The following SDR42E2 variants were observed in gnomAD, a reference collection of about 807,000 sequenced individuals.
SDR42E2 encodes putative short-chain dehydrogenase/reductase family 42E member 2.
SDR42E2 carries 20 observed loss-of-function variants against 10.5 expected under a neutral mutation model. The ratio of observed to expected loss-of-function variants is 1.90; its 90% CI spans 1.34 to 2.77. The LOEUF (loss-of-function observed/expected upper bound fraction) is 2.77. Ranked by LOEUF, SDR42E2 falls within the 30% of genes most tolerant of loss-of-function variation. The pLI is 0.00. For synonymous variants in SDR42E2, 72 were observed against 39.2 expected, an observed-to-expected ratio of 1.84 and a Z score of -3.12; for missense variants, 162 against 104.2, an observed-to-expected ratio of 1.55 and a Z score of -2.42.
chr16:22,175,181 C>T (rs763072658), intron 7 of SDR42E2, among the ~76,000 whole-genome samples: 8 of 151,982 alleles, frequency 5.3e-5, no homozygotes, highest in East Asian at 3.8e-4. Context: ...AGAAATGGGC[C>T]GGGCATGGTG....
intron 12 of SDR42E2, among the ~76,000 whole-genome samples, chr16:22,187,184 C>G (rs2046742204): frequency 6.6e-6 from 1 of 152,120 alleles, no homozygotes; most frequent in South Asian, 2.1e-4. Context: ...CACACAACAG[C>G]CTGGTGGTCC....
chr16:22,190,203 C>T lies in SDR42E2; in HGVS notation c.1079C>T (p.Ala360Val). 2.5e-6 allele frequency: 1 copy of T among 401,102 alleles called. No individual in the cohort carries two copies. The highest frequency in any genetic ancestry group is 4.4e-6 in the Non-Finnish European group (1 of 226,140). The allele number at this position is 401,102 out of a possible 1,614,324, so 24.8% of individuals were successfully genotyped here. Residue 360 changes from alanine (A) to valine (V), a missense_variant, in exon 13 of 13, where the codon GCG (alanine) becomes GTG (valine). By Grantham distance (64) the Ala-to-Val change is moderately conservative (BLOSUM62 0). Coordinates refer to ENST00000602312, the MANE Select transcript of SDR42E2 (RefSeq NM_001394319.2). ...AAGGCCCGCGCCCAGCTCGGCTACG[C>T]GCCGGATAAGTTTAGGTTCGCCGAC... ...IAKARAQLGY[A>V]PDKFRFADAV...
At chr16:22,185,204 C>A (rs769252201) in intron 11 of SDR42E2, among the ~76,000 whole-genome samples, 7 of 152,174 alleles carry the variant, frequency 4.6e-5, no homozygotes, top group Non-Finnish European at 8.8e-5. Context: ...AGCCTTCAGA[C>A]ATGGAGTGAC....
chr16:22,162,668 G>A (rs2046507584), intron 1 of SDR42E2, among the ~76,000 whole-genome samples, 104 bp downstream of exon 1: 1 of 152,150 alleles, frequency 6.6e-6, no homozygotes, highest in East Asian at 1.9e-4. Flanking sequence ...GGAGCTGCCC[G>A]CGAGCCCAGC....
At chr16:22,186,828 G>GCTCCCCATCCCTCCCTTCCTACCT in intron 12 of SDR42E2, 34 bp downstream of exon 12, 1 of 311,154 alleles carries the variant, frequency 3.2e-6, no homozygotes, top group Non-Finnish European at 5.4e-6. Flanking sequence ...CCTAGGCCCT[G>GCTCCCCATCCCTCCCTTCCTACCT]CTCCCCATCC....
chr16:22,173,909 ATATATATATATAT>A (rs1567240423), intron 7 of SDR42E2, among the ~76,000 whole-genome samples: 1 of 144,588 alleles, frequency 6.9e-6, no homozygotes, highest in African/African-American at 2.5e-5. Context: ...GTGTGTGTAT[ATATATATATATAT>A]ATATATAGCT....
intron 3 of SDR42E2, 34 bp from the exon 4 acceptor site, chr16:22,166,870 C>A: frequency 1.7e-6 from 1 of 594,564 alleles, no homozygotes; most frequent in Non-Finnish European, 3.1e-6. Flanking sequence ...TGGACTTGAA[C>A]CCCCTGCCCT....
intron 5 of SDR42E2, among the ~76,000 whole-genome samples, chr16:22,170,438 G>T (rs1268221372): frequency 3.3e-5 from 5 of 152,206 alleles, no homozygotes; most frequent in Non-Finnish European, 4.4e-5. Flanking sequence ...TGTGTGGGCT[G>T]CCTGGGCATG....
chr16:22,162,806 A>G (rs975410324), intron 1 of SDR42E2, among the ~76,000 whole-genome samples: 2 of 152,036 alleles, frequency 1.3e-5, no homozygotes, highest in African/African-American at 4.8e-5. Flanking sequence ...AAGTTTCCTC[A>G]TGTTCTCTGG....
At chr16:22,171,292 G>A (rs1471550014) in intron 6 of SDR42E2, among the ~76,000 whole-genome samples, 2 of 152,090 alleles carry the variant, frequency 1.3e-5, no homozygotes, top group Non-Finnish European at 2.9e-5. Flanking sequence ...CCAGGCTGGA[G>A]TGCAGTGGCG....
intron 8 of SDR42E2, 62 bp downstream of exon 8, chr16:22,178,274 G>A (rs2046662619): frequency 4.4e-6 from 3 of 680,008 alleles, no homozygotes; most frequent in Admixed American, 4.2e-5. Context: ...GTGTACACTG[G>A]TCGGGCCCTC....
chr16:22,180,652 C>T (rs560542707), intron 8 of SDR42E2, among the ~76,000 whole-genome samples: 13 of 152,208 alleles, frequency 8.5e-5, no homozygotes, highest in African/African-American at 3.1e-4. Context: ...GCAGTGATTG[C>T]ACCACTGAAC....
At chr16:22,182,828 C>G (rs1041563314) in intron 10 of SDR42E2, among the ~76,000 whole-genome samples, 1 of 151,978 alleles carries the variant, frequency 6.6e-6, no homozygotes, top group Non-Finnish European at 1.5e-5. Flanking sequence ...AGCGAGGACC[C>G]CTGTCTCTGC....
In SDR42E2 at chr16:22,166,335, C is replaced by T; in HGVS notation, c.141C>T (p.Phe47=). The change falls in exon 3 of 13, where the codon TTC becomes TTT. Residue 47 remains phenylalanine (F), a synonymous_variant. Coordinates refer to ENST00000602312, the MANE Select transcript of SDR42E2 (RefSeq NM_001394319.2). ...LVTGGGGYLG[F]SLGSHLAKSG... The stretch of plus-strand genomic sequence containing the variant: ...CTGGAGGAGGAGGCTACCTGGGCTT[C>T]AGCCTGGGATCCCACCTAGCCAAGA... 3 of 402,700 alleles carry T rather than the reference C, an allele frequency of 7.4e-6. No homozygotes were observed. In the East Asian group the frequency reaches 1.1e-4, roughly 14 times the overall value. The allele number at this position is 402,700 out of a possible 1,614,324, so 24.9% of individuals were successfully genotyped here.
chr16:22,186,702 GCC>G lies in SDR42E2; in HGVS notation c.941-15_941-14del, dbSNP rs943252748. ...CATAATGTGAGGCCCCTGGTCACTG[GCC>G]CCCTCCTTCCCTGCAGCAGCAGTTA... On this transcript the variant is annotated splice_polypyrimidine_tract_variant and intron_variant, in intron 11 of 12. Transcript: ENST00000602312. 3.2e-5 allele frequency: 13 copies of G among 401,068 alleles called. No homozygotes were observed. Among genetic ancestry groups the G allele is most frequent in the Non-Finnish European group, 4.9e-5 (11 of 226,272 alleles). The allele number at this position is 401,068 out of a possible 1,614,324, so 24.8% of individuals were successfully genotyped here. A position where few individuals can be genotyped will look rare whatever the true frequency, so the allele number is the denominator to read the frequency against.
chr16:22,190,795 C>G lies in SDR42E2; in HGVS notation c.*402C>G, dbSNP rs2046769799. On this transcript the variant is annotated 3_prime_UTR_variant, in exon 13 of 13. Transcript: ENST00000602312. Reference sequence around the variant, plus strand: ...CCTTCAAATTGGGCACGCCTTCTTCCCCGCTCACTGATTTCCTGGCCTAGC... The same window carrying G: ...CCTTCAAATTGGGCACGCCTTCTTCGCCGCTCACTGATTTCCTGGCCTAGC... 5.6e-6 allele frequency: 1 copy of G among 178,364 alleles called. No individual in the cohort carries two copies. The highest frequency in any genetic ancestry group is 1.2e-5 in the Non-Finnish European group (1 of 85,846). The allele number at this position is 178,364 out of a possible 1,614,324, so 11.0% of individuals were successfully genotyped here.
At chr16:22,184,422 T>C (rs762342513) in intron 11 of SDR42E2, among the ~76,000 whole-genome samples, 178 bp downstream of exon 11, 1 of 151,910 alleles carries the variant, frequency 6.6e-6, no homozygotes, top group Admixed American at 6.6e-5. Flanking sequence ...GCCAACACAG[T>C]GAAACCCCAT....
At position 22,165,981 on chromosome 16, in the gene SDR42E2, T is replaced by C. The variant is rs180738415; in HGVS notation, c.56-269T>C. ...CCGTACCTGGGCCAGGAGCTGGGTC[T>C]GTACCTGGACCAGGAGCTGGGTCGG... On this transcript the variant is annotated intron_variant, in intron 2 of 12. Coordinates refer to ENST00000602312, the MANE Select transcript of SDR42E2 (RefSeq NM_001394319.2). Among the ~76,000 whole-genome samples the C allele has an allele frequency of 8.4e-3, 1,232 of 146,752 alleles. 20 individuals carry two copies. The highest frequency in any genetic ancestry group is 0.027 in the African/African-American group (1,064 of 39,608).
chr16:22,185,942 C>G (rs955776331), intron 11 of SDR42E2, among the ~76,000 whole-genome samples: 1 of 150,622 alleles, frequency 6.6e-6, no homozygotes, highest in Non-Finnish European at 1.5e-5. Flanking sequence ...GGGCGTCTCA[C>G]TTTGTTGTCT....
Sources: allele counts gnomAD v4.1 joint callset (sites outside exome capture counted in the v4.1 genomes callset), GRCh38; gene constraint gnomAD v4.1.1; transcripts MANE v1.5; gene names NCBI Gene and HGNC (gene_info 2026-07-23, HGNC 2026-07-21).